The following CTNNA2 variants were observed in gnomAD, a reference collection of about 807,000 sequenced individuals.
CTNNA2 encodes catenin alpha-2.
CTNNA2 carries 42 observed loss-of-function variants against 101.0 expected under a neutral mutation model. The ratio of observed to expected loss-of-function variants is 0.42; its 90% confidence interval spans 0.32 to 0.54. The LOEUF is 0.54. CTNNA2 is among the 20% of genes least tolerant of loss of function. CTNNA2 has a pLI of 0.14. For synonymous variants in CTNNA2, 450 were observed against 456.4 expected (o/e 0.99, Z 0.18); for missense variants, 871 against 1,223.1 (o/e 0.71, Z 4.29).
chr2:80,386,224 T>A (rs985507), intron 7 of CTNNA2, among the ~76,000 whole-genome samples: 42,584 of 152,048 alleles, frequency 0.28, 9,849 homozygotes, highest in African/African-American at 0.64. Context: ...CCTCCTTCCC[T>A]TCCCCACCAC....
At chr2:80,421,042 C>G (rs7598953) in intron 9 of CTNNA2, among the ~76,000 whole-genome samples, 1 of 152,040 alleles carries the variant, frequency 6.6e-6, no homozygotes, top group Non-Finnish European at 1.5e-5. Context: ...ATTTAGGGAT[C>G]CAGAGTCTTT....
At chr2:79,394,976 A>G (rs556527782) in intron 4 of CTNNA2, among the ~76,000 whole-genome samples, 14 of 152,286 alleles carry the variant, frequency 9.2e-5, no homozygotes, top group African/African-American at 3.1e-4. Flanking sequence ...GTGCAAACCC[A>G]TGATAAAGAT....
chr2:80,218,717 AC>A (rs1708411074), intron 7 of CTNNA2, among the ~76,000 whole-genome samples: 1 of 152,210 alleles, frequency 6.6e-6, no homozygotes, highest in South Asian at 2.1e-4. Flanking sequence ...AGTGCCTGCT[AC>A]TTAGTAAGGA....
intron 3 of CTNNA2, among the ~76,000 whole-genome samples, chr2:79,830,039 C>T (rs923554416): frequency 1.9e-4 from 29 of 152,040 alleles, no homozygotes; most frequent in Non-Finnish European, 8.8e-5. Context: ...GAATTCAGGA[C>T]AAGTTTATTT....
At chr2:79,484,564 G>A (rs554334538) in intron 4 of CTNNA2, among the ~76,000 whole-genome samples, 1 of 152,236 alleles carries the variant, frequency 6.6e-6, no homozygotes, top group African/African-American at 2.4e-5. Flanking sequence ...CTTTCTCTAA[G>A]GGTATTAGCT....
Position 80,551,701 on chromosome 2 carries a change from G to A in CTNNA2, c.1541-3992G>A, listed in dbSNP as rs112412466. Among the ~76,000 whole-genome samples the A allele has an allele frequency of 7.5e-3, 1,145 of 152,278 alleles. 20 individuals are homozygous for A. Among genetic ancestry groups the A allele is most frequent in the African/African-American group, 0.024 (1,002 of 41,564 alleles). ...GGATCTTGGTCAAGATTGGGCTTTG[G>A]CTTAAAGGAATGCTGTGGCCGATAT... On this transcript the variant is annotated intron_variant, in intron 11 of 18. Coordinates refer to ENST00000402739, the MANE Select transcript of CTNNA2 (RefSeq NM_001282597.3).
At chr2:79,295,819 C>G (rs1675964948) in intron 2 of CTNNA2, among the ~76,000 whole-genome samples, 2 of 151,968 alleles carry the variant, frequency 1.3e-5, no homozygotes, top group South Asian at 2.1e-4. Flanking sequence ...TAAAATACAA[C>G]TTGGATTAAT....
intron 1 of CTNNA2, among the ~76,000 whole-genome samples, chr2:79,539,502 ATTCAGATACAATGTTACT>A (rs1232501128): frequency 1.3e-5 from 2 of 152,248 alleles, no homozygotes; most frequent in African/African-American, 4.8e-5. Context: ...AGCTCAAAGA[ATTCAGATACAATGTTACT>A]TTCAGATACA....
chr2:80,545,812 G>T, intron 10 of CTNNA2, 95 bp from the exon 11 acceptor site: 1 of 1,263,000 alleles, frequency 7.9e-7, no homozygotes, highest in South Asian at 1.5e-5. Flanking sequence ...TCTGTAGAAC[G>T]TACAGGGTGC....
intron 14 of CTNNA2, among the ~76,000 whole-genome samples, chr2:80,583,864 G>GT (rs982206225): frequency 1.3e-5 from 2 of 152,066 alleles, no homozygotes; most frequent in East Asian, 1.9e-4. Context: ...TTTTCTGAGA[G>GT]TTTTTTTCAG....
chr2:80,607,509 C>T (rs1464371010), intron 16 of CTNNA2, among the ~76,000 whole-genome samples: 1 of 151,972 alleles, frequency 6.6e-6, no homozygotes. Context: ...GACTCCGGTG[C>T]GTCCATCAAA....
rs547442616 is a variant in CTNNA2 at position 79,750,730 on chromosome 2, G to C, written c.298+6148G>C. 3.0e-4 allele frequency among the ~76,000 whole-genome samples: 45 copies of C among 152,166 alleles called. No individual in the cohort carries two copies. The South Asian group carries it at 9.1e-3, about 31-fold the overall frequency. On this transcript the variant is annotated intron_variant, in intron 3 of 18. Transcript: ENST00000402739. ...GGCTGGGCAGAAGAACCACAACCAG[G>C]GGTTGTGGCAGGCACCTGTAGTCCC...
At chr2:79,355,084 C>G (rs899161859) in intron 3 of CTNNA2, among the ~76,000 whole-genome samples, 2 of 152,084 alleles carry the variant, frequency 1.3e-5, no homozygotes, top group African/African-American at 2.4e-5. Context: ...CTCTGTTAAT[C>G]TATGTGTTCA....
intron 1 of CTNNA2, among the ~76,000 whole-genome samples, chr2:79,609,397 C>T (rs1678120253): frequency 6.6e-6 from 1 of 151,954 alleles, no homozygotes; most frequent in Non-Finnish European, 1.5e-5. Flanking sequence ...TGATTATATG[C>T]AATCTCAATC....
chr2:80,099,655 A>G (rs1312993208), intron 7 of CTNNA2, among the ~76,000 whole-genome samples: 2 of 152,038 alleles, frequency 1.3e-5, no homozygotes, highest in Non-Finnish European at 2.9e-5. Flanking sequence ...ATTGCAGATC[A>G]GTTTAGAGAA....
At chr2:79,531,504 A>G (rs1232802470) in intron 1 of CTNNA2, among the ~76,000 whole-genome samples, 1 of 151,992 alleles carries the variant, frequency 6.6e-6, no homozygotes, top group Non-Finnish European at 1.5e-5. Flanking sequence ...TTCCATAGCA[A>G]CGGAAACAGT....
chr2:80,494,838 C>A (rs1178107887), intron 9 of CTNNA2, among the ~76,000 whole-genome samples: 1 of 146,474 alleles, frequency 6.8e-6, no homozygotes, highest in Non-Finnish European at 1.5e-5. Flanking sequence ...GGTATTACAA[C>A]CAGTTCCAAG....
chr2:79,418,565 G>A (rs932112985), intron 4 of CTNNA2, among the ~76,000 whole-genome samples: 1 of 152,116 alleles, frequency 6.6e-6, no homozygotes, highest in Non-Finnish European at 1.5e-5. Context: ...GATGGTGTGA[G>A]TATAAGCCCC....
At chr2:80,251,567 AG>A (rs1671764255) in intron 7 of CTNNA2, among the ~76,000 whole-genome samples, 1 of 152,166 alleles carries the variant, frequency 6.6e-6, no homozygotes, top group African/African-American at 2.4e-5. Flanking sequence ...TTATAAAGAA[AG>A]CCAACCAAAC....
Sources: allele counts gnomAD v4.1 joint callset (sites outside exome capture counted in the v4.1 genomes callset), GRCh38; gene constraint gnomAD v4.1.1; transcripts MANE v1.5; gene names NCBI Gene and HGNC (gene_info 2026-07-23, HGNC 2026-07-21).